Variants in BPIFB6 observed in about 807,000 individuals in gnomAD.
The protein encoded by BPIFB6 is BPI fold containing family B member 6.
BPIFB6 carries 47 observed loss-of-function variants against 54.7 expected under a neutral mutation model. That is an observed-to-expected ratio of 0.86 (90% CI 0.68 to 1.10). BPIFB6 has a LOEUF of 1.10. Ranked by LOEUF, BPIFB6 falls within the 50% of genes least tolerant of loss-of-function variation. The pLI is 0.00. For missense variants in BPIFB6, 603 were observed against 564.1 expected, an observed-to-expected ratio of 1.07 and a Z score of -0.70; for synonymous variants, 255 against 225.9, an observed-to-expected ratio of 1.13 and a Z score of -1.16.
chr20:33,038,943 T>G lies in BPIFB6; in HGVS notation c.881T>G (p.Leu294Arg). The G allele has an allele frequency of 6.2e-7, 1 of 1,613,902 alleles. No homozygotes were observed. Among genetic ancestry groups the G allele is most frequent in the Non-Finnish European group, 8.5e-7 (1 of 1,179,932 alleles). ...CTGCCCCCACAAACCACCAAGACCC[T>G]GGCTCGCTTCATTCCTGAAGTGAGT... ...GELPPQTTKTLARFIPEVAVA... is the reference protein window; with the variant it reads ...GELPPQTTKTRARFIPEVAVA... The change falls in exon 9 of 15, where the codon CTG (leucine) becomes CGG (arginine). Residue 294 changes from leucine to arginine, a missense_variant. Coordinates refer to ENST00000349552, the MANE Select transcript of BPIFB6 (RefSeq NM_174897.2).
chr20:33,036,298 G>T, intron 6 of BPIFB6, 147 bp from the exon 7 acceptor site: 2 of 682,034 alleles, frequency 2.9e-6, no homozygotes, highest in Non-Finnish European at 5.3e-6. Flanking sequence ...CTATTCTACA[G>T]ATGAAGTTAC....
intron 12 of BPIFB6, 50 bp downstream of exon 12, chr20:33,042,065 C>T (rs370054813): frequency 7.1e-5 from 111 of 1,566,188 alleles, no homozygotes; most frequent in Non-Finnish European, 8.7e-5. Context: ...CAAGACTGGG[C>T]CTATTCTCCC....
chr20:33,036,430 C>T lies in BPIFB6; in HGVS notation c.578-15C>T. On this transcript the variant is annotated splice_polypyrimidine_tract_variant and intron_variant, in intron 6 of 14. Transcript: ENST00000349552. ...GGGTTGGTGCCTCTTTGAGTGGAAC[C>T]TCCTTTTCACACAGACCCCATGCCT... 6.2e-7 allele frequency: 1 copy of T among 1,603,058 alleles called. No homozygotes were observed. The highest frequency in any genetic ancestry group is 8.5e-7 in the Non-Finnish European group (1 of 1,173,942).
intron 11 of BPIFB6, among the ~76,000 whole-genome samples, chr20:33,041,058 C>T (rs1475064091): frequency 3.4e-5 from 5 of 147,786 alleles, no homozygotes; most frequent in Admixed American, 6.8e-5. Context: ...GGCGCAATCT[C>T]GGCTCACTGC....
At chr20:33,039,286 A>G in intron 9 of BPIFB6, 61 bp from the exon 10 acceptor site, 1 of 1,504,448 alleles carries the variant, frequency 6.6e-7, no homozygotes, top group Non-Finnish European at 8.9e-7. Flanking sequence ...GGGACCCCTT[A>G]TTTCAACTGA....
chr20:33,037,864 G>A (rs1440867653), intron 8 of BPIFB6, 126 bp downstream of exon 8: 17 of 1,043,948 alleles, frequency 1.6e-5, no homozygotes, highest in Middle Eastern at 2.1e-4. Flanking sequence ...ATGCAGGACC[G>A]ATTTGAGTTT....
At chr20:33,036,658 C>T (rs570860109) in intron 7 of BPIFB6, 122 bp downstream of exon 7, 87 of 914,294 alleles carry the variant, frequency 9.5e-5, no homozygotes, top group Admixed American at 2.2e-4. Context: ...CCCCTCAAGC[C>T]GTGGAGGCCA....
chr20:33,039,247 G>A lies in BPIFB6; in HGVS notation c.901-100G>A, dbSNP rs1044821901. 3 of 1,254,306 alleles carry A rather than the reference G, an allele frequency of 2.4e-6. No individual in the cohort carries two copies. In the African/African-American group the frequency reaches 4.5e-5, roughly 19 times the overall value. 77.7% of individuals were successfully genotyped at this position (1,254,306 alleles called of 1,614,324 possible). On this transcript the variant is annotated intron_variant, in intron 9 of 14. Coordinates refer to ENST00000349552, the MANE Select transcript of BPIFB6 (RefSeq NM_174897.2). Reference sequence around the variant, plus strand: ...GGCCTTTGCATGTTGTACTTCCTGTGTCCAACGTAGAAATCACCTATGTCT... The same window carrying A: ...GGCCTTTGCATGTTGTACTTCCTGTATCCAACGTAGAAATCACCTATGTCT...
At chr20:33,036,572 A>C in intron 7 of BPIFB6, 36 bp downstream of exon 7, 21 of 1,553,386 alleles carry the variant, frequency 1.4e-5, no homozygotes, top group Non-Finnish European at 1.8e-5. Flanking sequence ...CTGGGGTCTC[A>C]GGCTCACTGG....
chr20:33,043,950 C>T, intron 14 of BPIFB6, 65 bp from the exon 15 acceptor site: 1 of 1,575,890 alleles, frequency 6.3e-7, no homozygotes, highest in Admixed American at 1.7e-5. Context: ...GGGCCCAGTT[C>T]CATTCCATCC....
At position 33,041,999 on chromosome 20, in the gene BPIFB6, CG is replaced by C. The variant is rs1421787665; in HGVS notation, c.1173del (p.Ile392LeufsTer9). On this transcript the variant is annotated frameshift_variant, in exon 12 of 15. Coordinates refer to ENST00000349552, the MANE Select transcript of BPIFB6 (RefSeq NM_174897.2). LOFTEE classifies it high-confidence loss of function. ...CTGAGCTTGTCCCGGAAGTCCTCAT[CG>C]ATTGGCAACTTCAATGTAAGTGTCC... ...RLLSLSRKSSSIGNFNERELT... is the reference protein window; with the variant it reads ...RLLSLSRKSSXIGNFNERELT... 1 of 1,614,004 alleles carries C rather than the reference CG, an allele frequency of 6.2e-7. No homozygotes were observed. Among genetic ancestry groups the C allele is most frequent in the Non-Finnish European group, 8.5e-7 (1 of 1,179,998 alleles).
At chr20:33,033,406 C>T (rs1979189826) in intron 2 of BPIFB6, 2 of 471,666 alleles carry the variant, frequency 4.2e-6, no homozygotes. Context: ...TGAAAACATC[C>T]TCAAATGGTA....
Position 33,031,654 on chromosome 20 carries a change from C to A in BPIFB6, c.7C>A (p.Arg3=), listed in dbSNP as rs370471311. 5.0e-6 allele frequency: 8 copies of A among 1,613,510 alleles called. No homozygotes were observed. The African/African-American group carries it at 1.1e-4, about 22-fold the overall frequency. The change falls in exon 1 of 15, where the codon CGG becomes AGG. Residue 3 remains arginine (R), a synonymous_variant. Transcript: ENST00000349552. ...CCTTGGCACAGGTGGTGCCATGCTG[C>A]GGATCCTGTGCCTGGCACTCTGCAG... ML[R]ILCLALCSLL...
chr20:33,043,881 A>G (rs1049442145), intron 14 of BPIFB6, 134 bp from the exon 15 acceptor site: 11 of 1,138,372 alleles, frequency 9.7e-6, no homozygotes, highest in Non-Finnish European at 1.5e-5. Flanking sequence ...CCAGGGTCAC[A>G]AGGCAAGTCT....
intron 10 of BPIFB6, 77 bp downstream of exon 10, chr20:33,039,597 G>C: frequency 1.4e-6 from 2 of 1,440,990 alleles, no homozygotes; most frequent in Non-Finnish European, 1.9e-6. Flanking sequence ...ATTTTTAGTT[G>C]ACAGCCAAGT....
intron 10 of BPIFB6, 58 bp from the exon 11 acceptor site, chr20:33,040,193 C>G: frequency 1.3e-6 from 2 of 1,520,410 alleles, no homozygotes; most frequent in South Asian, 1.1e-5. Flanking sequence ...TCTGGCTTTG[C>G]CAGCCCTGAT....
In BPIFB6 at chr20:33,034,943, C is replaced by T. The variant is rs145985406; in HGVS notation, c.452+31C>T. The T allele has an allele frequency of 2.9e-4, 465 of 1,605,022 alleles. 2 individuals are homozygous for T. In the African/African-American group the frequency reaches 4.5e-3, roughly 15 times the overall value. ...GGGCTCTGTGGCTGGGGAGGAAGGC[C>T]GGTCCATATTGCTATACCCCCCAGC... On this transcript the variant is annotated intron_variant, in intron 4 of 14. Coordinates refer to ENST00000349552, the MANE Select transcript of BPIFB6 (RefSeq NM_174897.2).
At chr20:33,035,365 C>A (rs1228555323) in intron 5 of BPIFB6, among the ~76,000 whole-genome samples, 1 of 152,162 alleles carries the variant, frequency 6.6e-6, no homozygotes, top group African/African-American at 2.4e-5. Context: ...CACAGCTTGC[C>A]AACCGTGCTT....
intron 9 of BPIFB6, 93 bp downstream of exon 9, chr20:33,039,055 A>G (rs1979464501): frequency 7.3e-7 from 1 of 1,368,524 alleles, no homozygotes; most frequent in Non-Finnish European, 1.0e-6. Context: ...ACAGCTTTTC[A>G]TGCCACATAT....
Sources: allele counts gnomAD v4.1 joint callset (sites outside exome capture counted in the v4.1 genomes callset), GRCh38; gene constraint gnomAD v4.1.1; transcripts MANE v1.5; gene names NCBI Gene and HGNC (gene_info 2026-07-23, HGNC 2026-07-21).